The following MAGI2 variants were observed in gnomAD, a reference collection of about 807,000 sequenced individuals.
MAGI2 encodes the protein membrane-associated guanylate kinase, WW and PDZ domain-containing protein 2.
A neutral mutation model predicts 133.3 loss-of-function variants in MAGI2; 35 were observed. That is an observed-to-expected ratio of 0.26 (90% CI 0.20 to 0.35). The LOEUF (loss-of-function observed/expected upper bound fraction) is 0.35. MAGI2 is among the 10% of genes least tolerant of loss of function. The pLI is 1.00. For missense variants in MAGI2, 1,636 were observed against 1,863.4 expected, an observed-to-expected ratio of 0.88 and a Z score of 2.25; for synonymous variants, 729 against 710.6, an observed-to-expected ratio of 1.03 and a Z score of -0.41.
intron 2 of MAGI2, among the ~76,000 whole-genome samples, chr7:78,921,848 G>A (rs912125280): frequency 6.6e-6 from 1 of 152,054 alleles, no homozygotes; most frequent in African/African-American, 2.4e-5. Context: ...GGCCAGGCTG[G>A]TCTTGAACTA....
intron 6 of MAGI2, among the ~76,000 whole-genome samples, chr7:78,449,338 C>T (rs2151479291): frequency 6.6e-6 from 1 of 152,132 alleles, no homozygotes; most frequent in East Asian, 1.9e-4. Context: ...GCCATCTGCA[C>T]TATTGTTTAC....
intron 1 of MAGI2, among the ~76,000 whole-genome samples, chr7:79,198,266 A>AAAC (rs145489225): frequency 1.8e-3 from 275 of 151,336 alleles, no homozygotes; most frequent in Non-Finnish European, 3.3e-3. Flanking sequence ...ACAAACAAAC[A>AAAC]AACAACAACA....
At chr7:78,663,355 C>T (rs1014530504) in intron 2 of MAGI2, among the ~76,000 whole-genome samples, 21 of 152,024 alleles carry the variant, frequency 1.4e-4, no homozygotes, top group African/African-American at 3.9e-4. Flanking sequence ...TATAGGCACG[C>T]GCTACCACAC....
At chr7:79,246,919 A>G (rs964327908) in intron 1 of MAGI2, among the ~76,000 whole-genome samples, 1 of 152,236 alleles carries the variant, frequency 6.6e-6, no homozygotes, top group African/African-American at 2.4e-5. Context: ...AAAAGAAACA[A>G]TAACATCCAA....
chr7:78,826,948 A>G (rs572730275), intron 2 of MAGI2, among the ~76,000 whole-genome samples: 2 of 152,280 alleles, frequency 1.3e-5, no homozygotes, highest in Middle Eastern at 3.4e-3. Flanking sequence ...TCACTGTTGA[A>G]ATGAGAGGCT....
chr7:78,981,103 A>T (rs1312143735), intron 2 of MAGI2, among the ~76,000 whole-genome samples: 1 of 151,514 alleles, frequency 6.6e-6, no homozygotes, highest in East Asian at 1.9e-4. Flanking sequence ...TCTATTATGT[A>T]TACTAGTACA....
chr7:79,264,267 G>A (rs142964805), intron 1 of MAGI2, among the ~76,000 whole-genome samples: 85 of 152,034 alleles, frequency 5.6e-4, no homozygotes, highest in African/African-American at 2.0e-3. Context: ...TTTTTTTTGA[G>A]AAACAAAATG....
chr7:78,581,202 G>T (rs1457253247), intron 3 of MAGI2, among the ~76,000 whole-genome samples: 4 of 152,152 alleles, frequency 2.6e-5, no homozygotes, highest in East Asian at 1.9e-4. Context: ...CCCAGGCTTG[G>T]GGGAGGGAGG....
At chr7:78,406,161 C>A (rs923119859) in intron 6 of MAGI2, among the ~76,000 whole-genome samples, 8 of 151,848 alleles carry the variant, frequency 5.3e-5, no homozygotes, top group Non-Finnish European at 1.0e-4. Context: ...TATTAATGAA[C>A]AAGAAAAAAA....
intron 1 of MAGI2, among the ~76,000 whole-genome samples, chr7:79,259,633 G>A (rs1369518048): frequency 6.6e-6 from 1 of 152,128 alleles, no homozygotes; most frequent in Admixed American, 6.6e-5. Context: ...AACAATCTAT[G>A]TGTATAAGTT....
chr7:78,955,552 C>T (rs1584493357), intron 2 of MAGI2, among the ~76,000 whole-genome samples: 1 of 151,988 alleles, frequency 6.6e-6, no homozygotes, highest in East Asian at 1.9e-4. Context: ...TTTCATTGTT[C>T]AAAGTGTCCC....
At chr7:78,080,740 T>A (rs1379527688) in intron 20 of MAGI2, among the ~76,000 whole-genome samples, 2 of 152,182 alleles carry the variant, frequency 1.3e-5, no homozygotes, top group African/African-American at 4.8e-5. Flanking sequence ...GTAGAAGCAG[T>A]AGACAGGGCT....
At chr7:78,622,259 T>C (rs4730412) in intron 3 of MAGI2, among the ~76,000 whole-genome samples, 8,067 of 152,056 alleles carry the variant, frequency 0.053, 261 homozygotes, top group East Asian at 0.081. Context: ...AGGTCTGTAA[T>C]CTTAAGGCTG....
chr7:78,796,353 C>T (rs1416843990), intron 2 of MAGI2, among the ~76,000 whole-genome samples: 4 of 152,058 alleles, frequency 2.6e-5, no homozygotes, highest in African/African-American at 4.8e-5. Flanking sequence ...TCAAAAGAGA[C>T]ATACAAATGG....
intron 20 of MAGI2, among the ~76,000 whole-genome samples, chr7:78,101,968 A>G (rs772569108): frequency 3.3e-5 from 5 of 152,216 alleles, no homozygotes; most frequent in Admixed American, 1.3e-4. Context: ...CTAAGTATAC[A>G]TCAACAGGTG....
chr7:78,477,102 T>C (rs890950044), intron 6 of MAGI2, among the ~76,000 whole-genome samples: 2 of 89,892 alleles, frequency 2.2e-5, no homozygotes, highest in Non-Finnish European at 4.2e-5. Flanking sequence ...GATCTGTTTC[T>C]CCCATTTCTG....
At chr7:79,408,317 T>A (rs1444584722) in intron 1 of MAGI2, among the ~76,000 whole-genome samples, 5 of 152,072 alleles carry the variant, frequency 3.3e-5, no homozygotes, top group Non-Finnish European at 7.4e-5. Flanking sequence ...TTATAAAATA[T>A]ATTTTAAGAA....
intron 2 of MAGI2, among the ~76,000 whole-genome samples, chr7:78,649,364 T>G (rs1274113914): frequency 6.6e-6 from 1 of 152,040 alleles, no homozygotes; most frequent in Non-Finnish European, 1.5e-5. Context: ...ACACTAATTC[T>G]ACCCCTGTTT....
chr7:78,164,280 G>A (rs1465210141), intron 15 of MAGI2, among the ~76,000 whole-genome samples: 1 of 152,190 alleles, frequency 6.6e-6, no homozygotes, highest in African/African-American at 2.4e-5. Context: ...GTCTTTGGAA[G>A]GATGACAGCA....
Sources: allele counts gnomAD v4.1 joint callset (sites outside exome capture counted in the v4.1 genomes callset), GRCh38; gene constraint gnomAD v4.1.1; transcripts MANE v1.5; gene names NCBI Gene and HGNC (gene_info 2026-07-23, HGNC 2026-07-21).